MEIS2: variants seen among roughly 807,000 people sequenced by gnomAD.
MEIS2 encodes the protein Meis homeobox 2.
A neutral mutation model predicts 58.6 loss-of-function variants in MEIS2; 9 were observed. The ratio of observed to expected loss-of-function variants is 0.15; its 90% confidence interval spans 0.09 to 0.27. The LOEUF (loss-of-function observed/expected upper bound fraction) is 0.27. MEIS2 is among the 10% of genes least tolerant of loss of function. The probability of loss-of-function intolerance (pLI) is 1.00; values close to 1 mark genes in which losing one functional copy is unlikely to be tolerated. For synonymous variants in MEIS2, 221 were observed against 228.4 expected, an observed-to-expected ratio of 0.97 and a Z score of 0.29; for missense variants, 427 against 635.0, an observed-to-expected ratio of 0.67 and a Z score of 3.52.
At chr15:36,921,539 T>C (rs1183322135) in intron 9 of MEIS2, among the ~76,000 whole-genome samples, 1 of 152,208 alleles carries the variant, frequency 6.6e-6, no homozygotes, top group Non-Finnish European at 1.5e-5. Context: ...AGTTGAAGGT[T>C]GCTTTCTGCC....
At chr15:36,899,607 T>C (rs145828377) in intron 9 of MEIS2, among the ~76,000 whole-genome samples, 3,247 of 152,230 alleles carry the variant, frequency 0.021, 67 homozygotes, top group Non-Finnish European at 0.032. Flanking sequence ...AAGTAGTAAA[T>C]AGAATATCAA....
chr15:36,972,099 A>G (rs2141470787), intron 8 of MEIS2, among the ~76,000 whole-genome samples: 1 of 152,334 alleles, frequency 6.6e-6, no homozygotes, highest in African/African-American at 2.4e-5. Context: ...AGAAATGAGA[A>G]TATGGTATTT....
chr15:36,962,682 A>G (rs1166804271), intron 8 of MEIS2, among the ~76,000 whole-genome samples: 1 of 152,128 alleles, frequency 6.6e-6, no homozygotes, highest in East Asian at 1.9e-4. Context: ...TATCTTGGCT[A>G]CTCATGTGTT....
chr15:37,018,366 A>G (rs1470670574), intron 8 of MEIS2, among the ~76,000 whole-genome samples: 1 of 152,212 alleles, frequency 6.6e-6, no homozygotes, highest in Non-Finnish European at 1.5e-5. Context: ...GCTTCAGAAG[A>G]AGGAGAAACG....
In MEIS2 at chr15:37,099,999, A is replaced by G; in HGVS notation, c.-533T>C. 1 of 152,478 alleles carries G rather than the reference A, an allele frequency of 6.6e-6. No individual in the cohort carries two copies. 9.4% of individuals were successfully genotyped at this position (152,478 alleles called of 1,614,324 possible). ...AATGAATGATGGTTGATGATGATGA[A>G]GAGGAGGAATCTTTCAGACCCGTTT... On this transcript the variant is annotated 5_prime_UTR_variant, in exon 1 of 12. Transcript: ENST00000561208.
intron 4 of MEIS2, among the ~76,000 whole-genome samples, chr15:37,094,822 C>T (rs1390158186): frequency 6.6e-6 from 1 of 151,886 alleles, no homozygotes; most frequent in African/African-American, 2.4e-5. Context: ...AATATCTTTC[C>T]CCCTGATGTT....
At chr15:37,009,085 A>C (rs537187907) in intron 8 of MEIS2, among the ~76,000 whole-genome samples, 33 of 152,172 alleles carry the variant, frequency 2.2e-4, no homozygotes, top group South Asian at 1.0e-3. Flanking sequence ...GTCAGGAGAT[A>C]GAGACCATCC....
intron 8 of MEIS2, among the ~76,000 whole-genome samples, chr15:37,028,470 A>G (rs1174110081): frequency 6.6e-6 from 1 of 152,230 alleles, no homozygotes; most frequent in African/African-American, 2.4e-5. Flanking sequence ...CAAGAGAGAC[A>G]AAGTAAATTC....
intron 9 of MEIS2, among the ~76,000 whole-genome samples, chr15:36,929,585 C>G (rs538043959): frequency 4.6e-5 from 7 of 152,202 alleles, no homozygotes; most frequent in Non-Finnish European, 7.4e-5. Context: ...TAGTTTTGTA[C>G]TTGTGTCATT....
chr15:37,066,672 C>G (rs1360210857), intron 7 of MEIS2: 3 of 152,170 alleles, frequency 2.0e-5, no homozygotes, highest in Admixed American at 1.3e-4. Flanking sequence ...GTAATAGATA[C>G]AGCATGCTAG....
chr15:36,995,956 G>GATATATATATATATATATATATATAT (rs539738718), intron 8 of MEIS2, among the ~76,000 whole-genome samples: 1 of 112,964 alleles, frequency 8.9e-6, no homozygotes, highest in African/African-American at 3.3e-5. Flanking sequence ...TCTAGTCTGA[G>GATATATATATATATATATATATATAT]ATATATATAT....
In MEIS2 at chr15:36,969,068, T is replaced by C. The variant is rs537884227; in HGVS notation, c.901-18668A>G. On this transcript the variant is annotated intron_variant, in intron 8 of 11. Transcript: ENST00000561208. ...GAATATTCTATGACATTGCAGTCATTTTTACTTGTTAAGTGGTAGCAAGTA... is the reference window on the plus strand; with the variant it reads ...GAATATTCTATGACATTGCAGTCATCTTTACTTGTTAAGTGGTAGCAAGTA... Among the ~76,000 whole-genome samples the C allele has an allele frequency of 5.9e-5, 9 of 152,338 alleles. No individual in the cohort carries two copies. The South Asian group carries it at 1.9e-3, about 32-fold the overall frequency.
intron 7 of MEIS2, among the ~76,000 whole-genome samples, chr15:37,074,804 T>C (rs1046120050): frequency 3.3e-5 from 5 of 152,016 alleles, no homozygotes; most frequent in African/African-American, 4.8e-5. Context: ...CTCTCTGTCT[T>C]CTAGGTCTGT....
chr15:36,994,990 T>G (rs1453617988), intron 8 of MEIS2, among the ~76,000 whole-genome samples: 2 of 152,172 alleles, frequency 1.3e-5, no homozygotes, highest in Admixed American at 6.5e-5. Flanking sequence ...TCTAACTACC[T>G]CTGAACAATT....
chr15:37,018,168 C>CA (rs1254073928), intron 8 of MEIS2, among the ~76,000 whole-genome samples: 1 of 152,220 alleles, frequency 6.6e-6, no homozygotes, highest in Non-Finnish European at 1.5e-5. Flanking sequence ...TCCAAGCTTT[C>CA]AGTCACTCTA....
chr15:37,095,970 C>G, intron 3 of MEIS2: 1 of 444,912 alleles, frequency 2.2e-6, no homozygotes, highest in East Asian at 3.9e-5. Context: ...CTCCCGGGTC[C>G]CTCACAGCCC....
intron 6 of MEIS2, among the ~76,000 whole-genome samples, chr15:37,085,997 T>G (rs1353406630): frequency 1.3e-5 from 2 of 152,222 alleles, no homozygotes; most frequent in African/African-American, 2.4e-5. Flanking sequence ...AGTTTAGTCC[T>G]GCGACAACAC....
intron 1 of MEIS2, chr15:37,099,048 C>G (rs1479064187): frequency 8.1e-6 from 8 of 983,756 alleles, no homozygotes; most frequent in South Asian, 9.1e-5. Flanking sequence ...CTACGCAGCC[C>G]GTGCCCGCCC....
intron 9 of MEIS2, among the ~76,000 whole-genome samples, chr15:36,903,732 C>G (rs527752445): frequency 5.3e-5 from 8 of 152,196 alleles, no homozygotes; most frequent in Non-Finnish European, 1.2e-4. Flanking sequence ...TAGCCAACTC[C>G]CATTATGTTC....
Sources: allele counts gnomAD v4.1 joint callset (sites outside exome capture counted in the v4.1 genomes callset), GRCh38; gene constraint gnomAD v4.1.1; transcripts MANE v1.5; gene names NCBI Gene and HGNC (gene_info 2026-07-23, HGNC 2026-07-21).